RARB: variants seen among roughly 807,000 people sequenced by gnomAD.
RARB encodes HBV-activated protein.
Under a neutral mutation model 51.9 loss-of-function variants are expected in RARB, and 17 were observed. The ratio of observed to expected loss-of-function variants is 0.33; its 90% CI spans 0.22 to 0.49. The LOEUF is 0.49. Ranked by LOEUF, RARB falls within the 20% of genes least tolerant of loss-of-function variation. The pLI, the probability that RARB is intolerant of heterozygous loss-of-function variation, is 0.99. For missense variants in RARB, 369 were observed against 550.8 expected (o/e 0.67, Z 3.30); for synonymous variants, 215 against 195.4 (o/e 1.10, Z -0.84).
At chr3:25,135,432 A>G (rs1700017533) in intron 4 of RARB, among the ~76,000 whole-genome samples, 1 of 151,984 alleles carries the variant, frequency 6.6e-6, no homozygotes, top group African/African-American at 2.4e-5. Flanking sequence ...AGGAAAGGTA[A>G]GCTTTAATCT....
intron 5 of RARB, among the ~76,000 whole-genome samples, chr3:25,388,645 A>G (rs1559381443): frequency 6.6e-6 from 1 of 152,228 alleles, no homozygotes; most frequent in Non-Finnish European, 1.5e-5. Flanking sequence ...ATTAAGTAGT[A>G]TTTGATACAG....
intron 2 of RARB, among the ~76,000 whole-genome samples, chr3:24,956,931 A>G (rs1392567689): frequency 1.3e-5 from 2 of 152,240 alleles, no homozygotes; most frequent in Non-Finnish European, 2.9e-5. Flanking sequence ...AACAGCCAGT[A>G]CAGTTATGGG....
At chr3:25,491,743 C>A (rs1696749435) in intron 2 of RARB, among the ~76,000 whole-genome samples, 1 of 152,118 alleles carries the variant, frequency 6.6e-6, no homozygotes, top group Non-Finnish European at 1.5e-5. Flanking sequence ...GAGTTCAAGT[C>A]CATCCTGGCC....
intron 2 of RARB, among the ~76,000 whole-genome samples, chr3:24,955,733 C>A (rs4296555): frequency 1.2e-3 from 180 of 151,826 alleles, no homozygotes; most frequent in African/African-American, 4.2e-3. Flanking sequence ...CAATTTTTTT[C>A]GGGAGCAATA....
intron 5 of RARB, among the ~76,000 whole-genome samples, chr3:25,180,098 T>C (rs992971327): frequency 6.6e-6 from 1 of 152,166 alleles, no homozygotes. Context: ...ATTGTGGAAG[T>C]ATGTCCCTAA....
chr3:24,919,089 T>A (rs2125385487), intron 2 of RARB, among the ~76,000 whole-genome samples: 1 of 152,320 alleles, frequency 6.6e-6, no homozygotes, highest in South Asian at 2.1e-4. Context: ...TCCCTCATAG[T>A]AATTTTAACA....
chr3:25,526,121 G>A (rs1422079777), intron 3 of RARB, among the ~76,000 whole-genome samples: 1 of 152,218 alleles, frequency 6.6e-6, no homozygotes, highest in Non-Finnish European at 1.5e-5. Flanking sequence ...TGGAGGAGGT[G>A]TGAAGCCTGA....
chr3:25,261,167 C>G (rs982179745), intron 5 of RARB, among the ~76,000 whole-genome samples: 1 of 152,086 alleles, frequency 6.6e-6, no homozygotes, highest in African/African-American at 2.4e-5. Flanking sequence ...ATAATGAATA[C>G]TCAAGAAGTG....
intron 2 of RARB, among the ~76,000 whole-genome samples, chr3:25,056,802 G>A (rs893677835): frequency 3.9e-5 from 6 of 152,032 alleles, no homozygotes; most frequent in African/African-American, 4.8e-5. Context: ...AAAATATAAT[G>A]TTGTCTCTTA....
chr3:24,986,030 T>C (rs1324569532), intron 2 of RARB, among the ~76,000 whole-genome samples: 1 of 152,238 alleles, frequency 6.6e-6, no homozygotes, highest in Non-Finnish European at 1.5e-5. Flanking sequence ...TCCCCAGCGT[T>C]GGAATATTTG....
chr3:25,055,378 C>T (rs1238099822), intron 2 of RARB, among the ~76,000 whole-genome samples: 2 of 152,056 alleles, frequency 1.3e-5, no homozygotes, highest in African/African-American at 4.8e-5. Flanking sequence ...ATTCTGCTGT[C>T]AACAACAAGC....
At chr3:25,564,441 C>G (rs974981300) in intron 3 of RARB, among the ~76,000 whole-genome samples, 1 of 152,190 alleles carries the variant, frequency 6.6e-6, no homozygotes, top group Non-Finnish European at 1.5e-5. Flanking sequence ...GCCCCACCTG[C>G]TTCATCAACC....
At chr3:24,902,852 A>T (rs1703636989) in intron 2 of RARB, among the ~76,000 whole-genome samples, 1 of 152,196 alleles carries the variant, frequency 6.6e-6, no homozygotes, top group Non-Finnish European at 1.5e-5. Context: ...TTAATTATAT[A>T]TTACTAAAAC....
intron 2 of RARB, among the ~76,000 whole-genome samples, chr3:24,910,362 T>C (rs58599620): frequency 0.011 from 1,626 of 152,282 alleles, 26 homozygotes; most frequent in African/African-American, 0.034. Flanking sequence ...TAGCTCTTCT[T>C]ACCCAAAACC....
chr3:25,339,667 C>A (rs779603547), intron 5 of RARB, among the ~76,000 whole-genome samples: 1 of 151,652 alleles, frequency 6.6e-6, no homozygotes, highest in Non-Finnish European at 1.5e-5. Context: ...CACATACACC[C>A]ACAAAGGCAC....
intron 5 of RARB, among the ~76,000 whole-genome samples, chr3:25,338,059 A>C (rs1378529455): frequency 1.3e-5 from 2 of 150,958 alleles, no homozygotes; most frequent in South Asian, 4.2e-4. Context: ...GTTATTGAGC[A>C]TTGAAGCATG....
intron 2 of RARB, among the ~76,000 whole-genome samples, chr3:24,962,502 C>T (rs1696162660): frequency 6.6e-6 from 1 of 152,166 alleles, no homozygotes; most frequent in Admixed American, 6.5e-5. Flanking sequence ...TCCCCAATCC[C>T]CGGGCCACAG....
chr3:25,103,129 A>T (rs1487730730), intron 3 of RARB, among the ~76,000 whole-genome samples: 1 of 152,156 alleles, frequency 6.6e-6, no homozygotes, highest in Non-Finnish European at 1.5e-5. Flanking sequence ...AGAAGTGGCT[A>T]AAAGGAGTTG....
chr3:25,119,716 A>G (rs1699749036), intron 3 of RARB, among the ~76,000 whole-genome samples: 1 of 152,108 alleles, frequency 6.6e-6, no homozygotes, highest in Non-Finnish European at 1.5e-5. Context: ...AAGGAAATTA[A>G]CTTTATATTT....
Sources: allele counts gnomAD v4.1 joint callset (sites outside exome capture counted in the v4.1 genomes callset), GRCh38; gene constraint gnomAD v4.1.1; transcripts MANE v1.5; gene names NCBI Gene and HGNC (gene_info 2026-07-23, HGNC 2026-07-21).